Variants in C12orf43 observed in about 807,000 individuals in gnomAD.
C12orf43 encodes chromosome 12 open reading frame 43.
Under a neutral mutation model 20.6 loss-of-function variants are expected in C12orf43, and 15 were observed. That is an observed-to-expected ratio of 0.73 (90% CI 0.49 to 1.12). The LOEUF (loss-of-function observed/expected upper bound fraction) is 1.12. Among genes scored for constraint, C12orf43 ranks in the 50% most tolerant of loss-of-function variants. C12orf43 has a pLI of 0.00. For missense variants in C12orf43, 334 were observed against 344.4 expected (o/e 0.97, Z 0.24); for synonymous variants, 144 against 130.8 (o/e 1.10, Z -0.69).
Position 121,001,310 on chromosome 12 carries a change from G to A in C12orf43, c.*2843C>T. ...CAACCGTGGCCCTTCCTGGACAGCT[G>A]TGCCTCGCTCCCCACTCTGCTCTGA... On this transcript the variant is annotated 3_prime_UTR_variant, in exon 6 of 6. Transcript: ENST00000288757. 8.0e-7 allele frequency: 1 copy of A among 1,256,562 alleles called. No homozygotes were observed. The highest frequency in any genetic ancestry group is 1.1e-6 in the Non-Finnish European group (1 of 891,956). The allele number at this position is 1,256,562 out of a possible 1,614,324, so 77.8% of individuals were successfully genotyped here.
Position 121,004,255 on chromosome 12 carries a change from GTCC to G in C12orf43, c.684_686del (p.Asp229del), listed in dbSNP as rs761482963. 2 of 1,614,190 alleles carry G rather than the reference GTCC, an allele frequency of 1.2e-6. No individual in the cohort carries two copies. On this transcript the variant is annotated inframe_deletion, in exon 6 of 6. Transcript: ENST00000288757. This position sits in a 1 kb window ranked among gnomAD's most constrained non-coding sequence, Gnocchi z 5.6. ...TCTTTTTGGTCCCAAGCGACACCTG[GTCC>G]CCGTTGAGCTCACCTGACTTCTGCT...
In C12orf43 at chr12:121,001,918, GC is replaced by G. The variant is rs1391648236; in HGVS notation, c.*2234del. 1.9e-6 allele frequency: 1 copy of G among 516,878 alleles called. No individual in the cohort carries two copies. The highest frequency in any genetic ancestry group is 1.9e-5 in the African/African-American group (1 of 53,392). 32.0% of individuals were successfully genotyped at this position (516,878 alleles called of 1,614,324 possible). A position where few individuals can be genotyped will look rare whatever the true frequency, so the allele number is the denominator to read the frequency against. ...AGCTTTCCTGTATTTGTTCCCAAGA[GC>G]ATCATGCCTCTGAGGCCAGCCTGGC... On this transcript the variant is annotated 3_prime_UTR_variant, in exon 6 of 6. Coordinates refer to ENST00000288757, the MANE Select transcript of C12orf43 (RefSeq NM_022895.3).
intron 2 of C12orf43, 54 bp downstream of exon 2, chr12:121,011,050 C>G (rs762966525): frequency 6.3e-7 from 1 of 1,599,114 alleles, no homozygotes; most frequent in Non-Finnish European, 8.6e-7. Flanking sequence ...CTGGCACACG[C>G]AGGGGATCAG....
In C12orf43 at chr12:121,005,140, A is replaced by C; in HGVS notation, c.362-47T>G. 1 of 959,084 alleles carries C rather than the reference A, an allele frequency of 1.0e-6. No homozygotes were observed. Among genetic ancestry groups the C allele is most frequent in the South Asian group, 4.4e-5 (1 of 22,618 alleles). The allele number at this position is 959,084 out of a possible 1,614,324, so 59.4% of individuals were successfully genotyped here. A position where few individuals can be genotyped will look rare whatever the true frequency, so the allele number is the denominator to read the frequency against. Reference sequence around the variant, plus strand: ...TCAAACAAAAACAAAACAAAACAAAAAGAAACATAAAAAAATAAAAAATAA... The same window carrying C: ...TCAAACAAAAACAAAACAAAACAAACAGAAACATAAAAAAATAAAAAATAA... On this transcript the variant is annotated intron_variant, in intron 4 of 5. Transcript: ENST00000288757. This position sits in a 1 kb window ranked among gnomAD's most constrained non-coding sequence, Gnocchi z 5.6.
intron 1 of C12orf43, among the ~76,000 whole-genome samples, chr12:121,011,908 G>A (rs1868400458): frequency 6.6e-6 from 1 of 152,212 alleles, no homozygotes; most frequent in South Asian, 2.1e-4. Flanking sequence ...TTATTAACCA[G>A]GTGTTGTCAT....
rs1448713770 is a variant in C12orf43, at chr12:121,000,888, G to C, written c.*3265C>G. 33 of 791,748 alleles carry C rather than the reference G, an allele frequency of 4.2e-5. No individual in the cohort carries two copies. The Admixed American group carries it at 6.1e-4, about 15-fold the overall frequency. The allele number at this position is 791,748 out of a possible 1,614,324, so 49.0% of individuals were successfully genotyped here. A position where few individuals can be genotyped will look rare whatever the true frequency, so the allele number is the denominator to read the frequency against. On this transcript the variant is annotated 3_prime_UTR_variant, in exon 6 of 6. Coordinates refer to ENST00000288757, the MANE Select transcript of C12orf43 (RefSeq NM_022895.3). ...CACTCCATGGGCGGCCGTGGACCCT[G>C]GCTGGGAGGCTCCCTTTGAAGAACC...
chr12:121,009,767 C>T (rs1878304587), intron 3 of C12orf43, among the ~76,000 whole-genome samples: 1 of 152,170 alleles, frequency 6.6e-6, no homozygotes, highest in African/African-American at 2.4e-5. Flanking sequence ...GTTATAGCAG[C>T]CCATATGGAC....
chr12:121,001,460 G>A lies in C12orf43; in HGVS notation c.*2693C>T. On this transcript the variant is annotated 3_prime_UTR_variant, in exon 6 of 6. Coordinates refer to ENST00000288757, the MANE Select transcript of C12orf43 (RefSeq NM_022895.3). ...GGCAGATGTAGGAGGGACTGTCGCTGCTTCGTGGGATACAGTCTTCTTACT... is the reference window on the plus strand; with the variant it reads ...GGCAGATGTAGGAGGGACTGTCGCTACTTCGTGGGATACAGTCTTCTTACT... The A allele has an allele frequency of 1.9e-6, 1 of 513,780 alleles. No homozygotes were observed. 31.8% of individuals were successfully genotyped at this position (513,780 alleles called of 1,614,324 possible).
At chr12:121,009,940 T>C (rs1202280192) in intron 3 of C12orf43, among the ~76,000 whole-genome samples, 1 of 152,200 alleles carries the variant, frequency 6.6e-6, no homozygotes, top group African/African-American at 2.4e-5. Flanking sequence ...CTTGCCCTCT[T>C]GTGGCGGGAA....
In C12orf43 at chr12:121,002,139, C is replaced by A. The variant is rs567256607; in HGVS notation, c.*2014G>T. The A allele has an allele frequency of 1.9e-6, 1 of 517,680 alleles. No individual in the cohort carries two copies. The highest frequency in any genetic ancestry group is 1.6e-5 in the South Asian group (1 of 62,700). The allele number at this position is 517,680 out of a possible 1,614,324, so 32.1% of individuals were successfully genotyped here. ...GCAAGGCCCGAGCAGCTGAGCAGGG[C>A]CGGGGAACTGGCCAAGCTGAGGTGC... On this transcript the variant is annotated 3_prime_UTR_variant, in exon 6 of 6. Coordinates refer to ENST00000288757, the MANE Select transcript of C12orf43 (RefSeq NM_022895.3).
In C12orf43 at chr12:121,005,430, G is replaced by GA. The variant is rs1877929608; in HGVS notation, c.362-338dup. 6.6e-6 allele frequency among the ~76,000 whole-genome samples: 1 copy of GA among 152,120 alleles called. No individual in the cohort carries two copies. ...TCCTGGTCCAGAGGCAAAGACCCAG[G>GA]AATCAGTCGTCTAACTACAAAGTGA... On this transcript the variant is annotated intron_variant, in intron 4 of 5. Coordinates refer to ENST00000288757, the MANE Select transcript of C12orf43 (RefSeq NM_022895.3). The surrounding 1 kb of genome is among the most constrained non-coding windows in gnomAD (Gnocchi z 5.6).
At chr12:121,015,279 T>C (rs1868800211) in intron 1 of C12orf43, among the ~76,000 whole-genome samples, 2 of 152,118 alleles carry the variant, frequency 1.3e-5, no homozygotes, top group African/African-American at 4.8e-5. Context: ...GGGCAGACTA[T>C]GGTCTGGAAG....
Position 121,004,576 on chromosome 12 carries a change from C to T in C12orf43, c.453-87G>A. On this transcript the variant is annotated intron_variant, in intron 5 of 5. Transcript: ENST00000288757. This position sits in a 1 kb window ranked among gnomAD's most constrained non-coding sequence, Gnocchi z 5.6. ...CTCGCTGTCCTCCCTTGGTCCAGGTCACCAGAAGGTGGCCGCAGAGAGAGG... is the reference window on the plus strand; with the variant it reads ...CTCGCTGTCCTCCCTTGGTCCAGGTTACCAGAAGGTGGCCGCAGAGAGAGG... The T allele has an allele frequency of 2.9e-6, 4 of 1,379,322 alleles. No individual in the cohort carries two copies. The highest frequency in any genetic ancestry group is 3.9e-6 in the Non-Finnish European group (4 of 1,022,852). The allele number at this position is 1,379,322 out of a possible 1,614,324, so 85.4% of individuals were successfully genotyped here.
chr12:121,012,247 TTG>T (rs1405622272), intron 1 of C12orf43, among the ~76,000 whole-genome samples: 1 of 152,122 alleles, frequency 6.6e-6, no homozygotes, highest in Non-Finnish European at 1.5e-5. Flanking sequence ...GGAGCCTGCT[TTG>T]TGTGTTTAGA....
At position 121,016,328 on chromosome 12, in the gene C12orf43, A is replaced by G; in HGVS notation, c.145+2T>C. On this transcript the variant is annotated splice_donor_variant, in intron 1 of 5. Coordinates refer to ENST00000288757, the MANE Select transcript of C12orf43 (RefSeq NM_022895.3). LOFTEE classifies it high-confidence loss of function. ...CCAGTCTCCCCAAACATAGTACCCT[A>G]CCGGCTCTTGGCTTCCCTGCCACGT... is the stretch of plus-strand genomic sequence containing the variant. 6.2e-7 allele frequency: 1 copy of G among 1,613,518 alleles called. No individual in the cohort carries two copies. Among genetic ancestry groups the G allele is most frequent in the Non-Finnish European group, 8.5e-7 (1 of 1,179,992 alleles).
rs975655430 is a variant in C12orf43, at chr12:121,003,632, A to C, written c.*521T>G. On this transcript the variant is annotated 3_prime_UTR_variant, in exon 6 of 6. Transcript: ENST00000288757. ...AATTCTAGAAAGCCAGGGGTGAAAA[A>C]GCTCTCCTTTCTCAGACGATTCTGT... 3 of 154,044 alleles carry C rather than the reference A, an allele frequency of 1.9e-5. No individual in the cohort carries two copies. Among genetic ancestry groups the C allele is most frequent in the African/African-American group, 7.2e-5 (3 of 41,456 alleles). The allele number at this position is 154,044 out of a possible 1,614,324, so 9.5% of individuals were successfully genotyped here. A position where few individuals can be genotyped will look rare whatever the true frequency, so the allele number is the denominator to read the frequency against.
Position 121,005,119 on chromosome 12 carries a change from AC to A in C12orf43, c.362-27del. ...CTAAGATTCAATGGGGCAGAGTCAA[AC>A]AAAAACAAAACAAAACAAAAAGAAA... On this transcript the variant is annotated intron_variant, in intron 4 of 5. Coordinates refer to ENST00000288757, the MANE Select transcript of C12orf43 (RefSeq NM_022895.3). The surrounding 1 kb of genome is among the most constrained non-coding windows in gnomAD (Gnocchi z 5.6). The A allele has an allele frequency of 4.5e-6, 5 of 1,110,338 alleles. No homozygotes were observed. Among genetic ancestry groups the A allele is most frequent in the Non-Finnish European group, 5.9e-6 (5 of 844,484 alleles). 68.8% of individuals were successfully genotyped at this position (1,110,338 alleles called of 1,614,324 possible). A position where few individuals can be genotyped will look rare whatever the true frequency, so the allele number is the denominator to read the frequency against.
At chr12:121,015,833 C>T (rs1199501383) in intron 1 of C12orf43, among the ~76,000 whole-genome samples, 1 of 152,220 alleles carries the variant, frequency 6.6e-6, no homozygotes, top group Non-Finnish European at 1.5e-5. Context: ...AAAGATGCAA[C>T]ATGTTTTCAT....
chr12:121,012,848 C>CT (rs1868508310), intron 1 of C12orf43, among the ~76,000 whole-genome samples: 1 of 46,956 alleles, frequency 2.1e-5, no homozygotes, highest in Non-Finnish European at 4.2e-5. Flanking sequence ...AAGACTCCGT[C>CT]TAAAAAAAAA....
Sources: allele counts gnomAD v4.1 joint callset (sites outside exome capture counted in the v4.1 genomes callset), GRCh38; gene constraint gnomAD v4.1.1; non-coding constraint Gnocchi (gnomAD v3.1); transcripts MANE v1.5; gene names NCBI Gene and HGNC (gene_info 2026-07-23, HGNC 2026-07-21).